The following RHBDL3 variants were observed in gnomAD, a reference collection of about 807,000 sequenced individuals.
RHBDL3 encodes the protein rhomboid like 3, also known as rhomboid-related protein 3.
In RHBDL3, 28 loss-of-function variants were observed where a neutral mutation model predicts 48.2. The observed-to-expected ratio is 0.58, with a 90% confidence interval of 0.43 to 0.80. The LOEUF (loss-of-function observed/expected upper bound fraction) is 0.80. Ranked by LOEUF, RHBDL3 falls within the 30% of genes least tolerant of loss-of-function variation. RHBDL3 has a pLI of 0.00. For missense variants in RHBDL3, 464 were observed against 542.7 expected (o/e 0.85, Z 1.44); for synonymous variants, 208 against 232.3 (o/e 0.90, Z 0.95).
chr17:32,293,200 G>A (rs2040374467), intron 4 of RHBDL3, among the ~76,000 whole-genome samples: 1 of 152,050 alleles, frequency 6.6e-6, no homozygotes, highest in African/African-American at 2.4e-5. Flanking sequence ...TGTTCAGTGG[G>A]TACAGAGTTT....
chr17:32,313,675 C>T (rs1040772623), intron 7 of RHBDL3, among the ~76,000 whole-genome samples: 1 of 149,178 alleles, frequency 6.7e-6, no homozygotes, highest in African/African-American at 2.5e-5. Context: ...ATTTAGCTTT[C>T]TGTGACTGCC....
chr17:32,292,287 A>G (rs993539145), intron 4 of RHBDL3, among the ~76,000 whole-genome samples: 1 of 152,196 alleles, frequency 6.6e-6, no homozygotes, highest in African/African-American at 2.4e-5. Context: ...GTTGGTGGGA[A>G]AGTAAAATGG....
In RHBDL3 at chr17:32,289,975, T is replaced by C. The variant is rs182550270; in HGVS notation, c.519+959T>C. Among the ~76,000 whole-genome samples the C allele has an allele frequency of 1.8e-3, 276 of 152,348 alleles. 1 individual carries two copies. Among genetic ancestry groups the C allele is most frequent in the African/African-American group, 6.1e-3 (255 of 41,570 alleles). ...GTTGTTATGGCTTCATCCAAGTACA[T>C]GTTGAAGTTGCGATTTTTCTGAGAT... On this transcript the variant is annotated intron_variant, in intron 4 of 8. Transcript: ENST00000269051.
At chr17:32,273,785 G>A (rs1294052358) in intron 2 of RHBDL3, among the ~76,000 whole-genome samples, 1 of 152,176 alleles carries the variant, frequency 6.6e-6, no homozygotes, top group Non-Finnish European at 1.5e-5. Context: ...GTCCAGGCTG[G>A]AATGCAGTGG....
At chr17:32,272,967 G>A (rs1382959233) in intron 2 of RHBDL3, among the ~76,000 whole-genome samples, 1 of 152,114 alleles carries the variant, frequency 6.6e-6, no homozygotes, top group Non-Finnish European at 1.5e-5. Context: ...GGTTAATGGA[G>A]GCATCTTGTC....
chr17:32,290,189 A>C (rs2150717548), intron 4 of RHBDL3, among the ~76,000 whole-genome samples: 1 of 152,324 alleles, frequency 6.6e-6, no homozygotes, highest in African/African-American at 2.4e-5. Flanking sequence ...AGCCATTCCC[A>C]GGCTGAGCCC....
At position 32,268,438 on chromosome 17, in the gene RHBDL3, A is replaced by G. The variant is rs143806851; in HGVS notation, c.135+513A>G. Among the ~76,000 whole-genome samples, 522 of 152,228 alleles carry G rather than the reference A, an allele frequency of 3.4e-3. 5 individuals carry two copies. The highest frequency in any genetic ancestry group is 0.012 in the African/African-American group (508 of 41,524). On this transcript the variant is annotated intron_variant, in intron 2 of 8. Transcript: ENST00000269051. ...ATGAGGGAGTGCTGGGAGGTTACAG[A>G]GGGGAAATTGTGTGTGATTCTTCGC...
chr17:32,311,630 G>A (rs2040849692), intron 7 of RHBDL3, among the ~76,000 whole-genome samples: 4 of 152,162 alleles, frequency 2.6e-5, no homozygotes, highest in Admixed American at 1.3e-4. Flanking sequence ...GATCAGCTTG[G>A]CAAGCTCCAG....
chr17:32,275,464 C>T (rs560194024), intron 2 of RHBDL3, among the ~76,000 whole-genome samples: 41 of 152,262 alleles, frequency 2.7e-4, no homozygotes, highest in East Asian at 5.8e-4. Context: ...CCCCCAGGGG[C>T]GGGAAGGAAT....
intron 6 of RHBDL3, among the ~76,000 whole-genome samples, chr17:32,300,786 A>G (rs1051885794): frequency 2.0e-5 from 3 of 152,230 alleles, no homozygotes; most frequent in African/African-American, 7.2e-5. Flanking sequence ...CCCATTTTAC[A>G]GGCAGCCCAG....
intron 8 of RHBDL3, 140 bp downstream of exon 8, chr17:32,316,432 GAT>G (rs1347045723): frequency 6.4e-6 from 4 of 621,780 alleles, no homozygotes; most frequent in African/African-American, 5.5e-5. Context: ...AAAAAGTAGG[GAT>G]ATTGTGAGAG....
chr17:32,294,153 G>A, intron 4 of RHBDL3, 141 bp from the exon 5 acceptor site: 1 of 555,330 alleles, frequency 1.8e-6, no homozygotes, highest in Non-Finnish European at 3.1e-6. Context: ...AAACTCAGTT[G>A]GGCCCTGGCT....
At chr17:32,297,265 C>T (rs554753362) in intron 5 of RHBDL3, among the ~76,000 whole-genome samples, 18 of 152,088 alleles carry the variant, frequency 1.2e-4, no homozygotes, top group East Asian at 9.7e-4. Flanking sequence ...GTCAGGAGTT[C>T]GAGACCAGCC....
intron 2 of RHBDL3, among the ~76,000 whole-genome samples, chr17:32,280,071 AG>A (rs2040006982): frequency 6.6e-6 from 1 of 152,196 alleles, no homozygotes; most frequent in East Asian, 1.9e-4. Context: ...AGGCCGAGGC[AG>A]GTGGGCGGGC....
chr17:32,275,012 G>A (rs943345276), intron 2 of RHBDL3, among the ~76,000 whole-genome samples: 4 of 150,852 alleles, frequency 2.7e-5, no homozygotes, highest in Admixed American at 2.0e-4. Context: ...CCATGCACCC[G>A]CTCTGCATCT....
In RHBDL3 at chr17:32,266,235, G is replaced by C. The variant is rs1296251495; in HGVS notation, c.46G>C (p.Glu16Gln). 1 of 1,448,914 alleles carries C rather than the reference G, an allele frequency of 6.9e-7. No individual in the cohort carries two copies. The highest frequency in any genetic ancestry group is 9.0e-7 in the Non-Finnish European group (1 of 1,107,090). The allele number at this position is 1,448,914 out of a possible 1,614,324, so 89.8% of individuals were successfully genotyped here. A position where few individuals can be genotyped will look rare whatever the true frequency, so the allele number is the denominator to read the frequency against. The change falls in exon 1 of 9, where the codon GAG becomes CAG. Residue 16 changes from glutamate (E) to glutamine (Q), a missense_variant. Glu to Gln is a conservative substitution (Grantham distance 29). Coordinates refer to ENST00000269051, the MANE Select transcript of RHBDL3 (RefSeq NM_138328.3). ...SPGPAVAACAEAERIEELEPE... is the reference protein window; with the variant it reads ...SPGPAVAACAQAERIEELEPE... ...GGGCCCCGCGGTGGCCGCCTGCGCC[G>C]AGGCGGAGCGCATCGAGGAGCTGGA...
chr17:32,272,804 C>T (rs944171632), intron 2 of RHBDL3, among the ~76,000 whole-genome samples: 3 of 152,190 alleles, frequency 2.0e-5, no homozygotes, highest in Admixed American at 6.5e-5. Context: ...CACGTTTGAG[C>T]GAACGACAGG....
In RHBDL3 at chr17:32,266,307, GC is replaced by G. The variant is rs2039627192; in HGVS notation, c.111+12del. ...GCCCGCGGCGCCGGAGGACGTGAGT[GC>G]CCCCTCCCCGCCCGGCAAACTTTCT... On this transcript the variant is annotated splice_region_variant and intron_variant, in intron 1 of 8. Transcript: ENST00000269051. 4.2e-6 allele frequency: 6 copies of G among 1,426,962 alleles called. No homozygotes were observed. The highest frequency in any genetic ancestry group is 2.5e-5 in the Admixed American group (1 of 39,742). 88.4% of individuals were successfully genotyped at this position (1,426,962 alleles called of 1,614,324 possible).
intron 2 of RHBDL3, among the ~76,000 whole-genome samples, chr17:32,282,779 C>T (rs1389853658): frequency 1.3e-5 from 2 of 152,248 alleles, no homozygotes; most frequent in South Asian, 2.1e-4. Context: ...CCTGCAACCA[C>T]GCCCGGCTAA....
Sources: allele counts gnomAD v4.1 joint callset (sites outside exome capture counted in the v4.1 genomes callset), GRCh38; gene constraint gnomAD v4.1.1; transcripts MANE v1.5; gene names NCBI Gene and HGNC (gene_info 2026-07-23, HGNC 2026-07-21).